The following KIAA1549 variants were observed in gnomAD, a reference collection of about 807,000 sequenced individuals.
KIAA1549 encodes the protein UPF0606 protein KIAA1549.
In KIAA1549, 70 loss-of-function variants were observed where a neutral mutation model predicts 156.4. The observed-to-expected ratio is 0.45, with a 90% CI of 0.37 to 0.55. KIAA1549 has a LOEUF of 0.55. Among genes scored for constraint, KIAA1549 ranks in the 20% least tolerant of loss-of-function variants. The probability of loss-of-function intolerance (pLI) is 0.00; values close to 1 mark genes in which losing one functional copy is unlikely to be tolerated. For missense variants in KIAA1549, 2,428 were observed against 2,540.9 expected, an observed-to-expected ratio of 0.96 and a Z score of 0.96; for synonymous variants, 1,103 against 1,066.4, an observed-to-expected ratio of 1.03 and a Z score of -0.67.
intron 17 of KIAA1549, among the ~76,000 whole-genome samples, chr7:138,846,557 AGAC>A (rs1472781143): frequency 7.0e-6 from 1 of 141,852 alleles, no homozygotes; most frequent in Admixed American, 7.1e-5. Context: ...AAAAAAAAAA[AGAC>A]GACGACTAGC....
In KIAA1549 at chr7:138,894,562, T is replaced by C. The variant is rs192802235; in HGVS notation, c.3848-36A>G. On this transcript the variant is annotated intron_variant, in intron 9 of 19. Transcript: ENST00000422774. ...GGAAGAAAGGTCTTTCAATAATTCC[T>C]TCTTCACTCATGCACTAGATTGCAC... 25 of 1,605,582 alleles carry C rather than the reference T, an allele frequency of 1.6e-5. No homozygotes were observed. The Admixed American group carries it at 4.0e-4, about 26-fold the overall frequency.
At chr7:138,883,227 C>G (rs902850571) in intron 10 of KIAA1549, among the ~76,000 whole-genome samples, 1 of 146,748 alleles carries the variant, frequency 6.8e-6, no homozygotes. Flanking sequence ...AAACTGAGAT[C>G]GCGCCACTGC....
chr7:138,859,032 CA>C (rs113919905), intron 16 of KIAA1549, among the ~76,000 whole-genome samples: 2 of 151,642 alleles, frequency 1.3e-5, no homozygotes, highest in African/African-American at 4.8e-5. Flanking sequence ...CACACACACA[CA>C]CACACACACA....
chr7:138,880,323 GA>G (rs964838059), intron 11 of KIAA1549, among the ~76,000 whole-genome samples: 50 of 148,100 alleles, frequency 3.4e-4, no homozygotes, highest in East Asian at 7.8e-4. Context: ...TACCAGGCAA[GA>G]AAAAAAAAAT....
rs760972800 is a variant in KIAA1549, at chr7:138,879,607, C to T, written c.4276G>A (p.Glu1426Lys). The change falls in exon 12 of 20, where the codon GAG becomes AAG. Residue 1426 changes from glutamate (E) to lysine (K), a missense_variant. By Grantham distance (56) the Glu-to-Lys change is moderately conservative. Coordinates refer to ENST00000422774, the MANE Select transcript of KIAA1549 (RefSeq NM_001164665.2). ...ADSTVSEESSERDAGDKTPGA... is the reference protein window; with the variant it reads ...ADSTVSEESSKRDAGDKTPGA... Reference sequence around the variant, plus strand: ...GGCGTCTTATCTCCTGCGTCCCTCTCGCTGGACTCTTCACTGACCGTAGAG... The same window carrying T: ...GGCGTCTTATCTCCTGCGTCCCTCTTGCTGGACTCTTCACTGACCGTAGAG... The T allele has an allele frequency of 6.4e-6, 10 of 1,564,962 alleles. No homozygotes were observed. In the East Asian group the frequency reaches 9.5e-5, roughly 15 times the overall value.
intron 15 of KIAA1549, among the ~76,000 whole-genome samples, chr7:138,864,251 A>G (rs149898660): frequency 2.0e-5 from 3 of 152,328 alleles, no homozygotes; most frequent in African/African-American, 7.2e-5. Flanking sequence ...ACATTTGAGC[A>G]GAGTCCCCAG....
At chr7:138,883,942 G>A (rs1200887809) in intron 10 of KIAA1549, among the ~76,000 whole-genome samples, 1 of 152,154 alleles carries the variant, frequency 6.6e-6, no homozygotes, top group Non-Finnish European at 1.5e-5. Context: ...GTTGACTGAT[G>A]ACCAGCAGCC....
intron 1 of KIAA1549, among the ~76,000 whole-genome samples, chr7:138,938,270 A>G (rs531287750): frequency 3.9e-5 from 6 of 152,352 alleles, no homozygotes; most frequent in South Asian, 2.1e-4. Flanking sequence ...TCTATTGTCT[A>G]TAAGTGACCA....
At chr7:138,939,314 C>G (rs1162709716) in intron 1 of KIAA1549, among the ~76,000 whole-genome samples, 1 of 152,166 alleles carries the variant, frequency 6.6e-6, no homozygotes, top group Non-Finnish European at 1.5e-5. Context: ...TTTTGTATAA[C>G]AGTACAGTTG....
At chr7:138,902,084 T>C (rs1811858724) in intron 8 of KIAA1549, among the ~76,000 whole-genome samples, 1 of 152,254 alleles carries the variant, frequency 6.6e-6, no homozygotes, top group Admixed American at 6.5e-5. Context: ...TTCATTCTAA[T>C]TTTTATTCTT....
At chr7:138,977,026 A>C (rs903781452) in intron 1 of KIAA1549, among the ~76,000 whole-genome samples, 1 of 152,222 alleles carries the variant, frequency 6.6e-6, no homozygotes, top group African/African-American at 2.4e-5. Flanking sequence ...ATAAATATTC[A>C]CCTAGAAATG....
At chr7:138,891,843 C>T (rs1026374760) in intron 10 of KIAA1549, among the ~76,000 whole-genome samples, 7 of 152,100 alleles carry the variant, frequency 4.6e-5, no homozygotes, top group Non-Finnish European at 1.0e-4. Flanking sequence ...ACCCTGAGGA[C>T]GAGGCTAGAG....
intron 17 of KIAA1549, among the ~76,000 whole-genome samples, chr7:138,848,318 G>C (rs893159550): frequency 6.6e-6 from 1 of 152,214 alleles, no homozygotes; most frequent in Admixed American, 6.5e-5. Context: ...TATTTGCCAA[G>C]ATACCTTTTA....
intron 17 of KIAA1549, among the ~76,000 whole-genome samples, chr7:138,846,569 G>T (rs1810081680): frequency 6.8e-6 from 1 of 146,988 alleles, no homozygotes; most frequent in Non-Finnish European, 1.5e-5. Flanking sequence ...ACGACGACTA[G>T]CAGTTTCACC....
intron 1 of KIAA1549, among the ~76,000 whole-genome samples, chr7:138,947,902 A>G (rs1055307487): frequency 5.3e-5 from 8 of 152,076 alleles, no homozygotes; most frequent in Non-Finnish European, 1.2e-4. Flanking sequence ...AGCTGGGACT[A>G]TAGGCATGCA....
rs148897955 is a variant in KIAA1549, at chr7:138,953,905, C to T, written c.187+27178G>A. ...GGGTGAATCTAGTTATTGGTACGTA[C>T]GGTTTAAATGGCAGTATTTTTTCTT... On this transcript the variant is annotated intron_variant, in intron 1 of 19. Coordinates refer to ENST00000422774, the MANE Select transcript of KIAA1549 (RefSeq NM_001164665.2). Among the ~76,000 whole-genome samples, 581 of 152,208 alleles carry T rather than the reference C, an allele frequency of 3.8e-3. 10 individuals carry two copies. The highest frequency in any genetic ancestry group is 0.013 in the African/African-American group (545 of 41,520).
At chr7:138,959,221 C>T (rs1813763680) in intron 1 of KIAA1549, among the ~76,000 whole-genome samples, 1 of 152,102 alleles carries the variant, frequency 6.6e-6, no homozygotes, top group South Asian at 2.1e-4. Context: ...AATATAACTC[C>T]AAAAATCTGC....
At chr7:138,894,588 G>A (rs537323363) in intron 9 of KIAA1549, 62 bp from the exon 10 acceptor site, 15 of 1,523,052 alleles carry the variant, frequency 9.8e-6, no homozygotes, top group East Asian at 4.5e-5. Context: ...TAGATTGCAC[G>A]TGTCTTCTAT....
At position 138,881,520 on chromosome 7, in the gene KIAA1549, T is replaced by C; in HGVS notation, c.4097A>G (p.Asp1366Gly). ...AKQHLGQHNK[D>G]DILIIHEPAP... is the part of the protein sequence containing the mutation. ...TGGCTCATGAATAATCAATATGTCG[T>C]CTTTATTGTGCTGACCCAGATGCTG... Residue 1366 changes from aspartate (D) to glycine (G), a missense_variant, in exon 11 of 20, where the codon GAC becomes GGC. This residue lies in a region of KIAA1549 where 762 missense variants were observed against 901.6 expected (regional missense o/e 0.85). Transcript: ENST00000422774. 6.2e-7 allele frequency: 1 copy of C among 1,613,972 alleles called. No homozygotes were observed. Among genetic ancestry groups the C allele is most frequent in the Non-Finnish European group, 8.5e-7 (1 of 1,179,888 alleles).
Sources: allele counts gnomAD v4.1 joint callset (sites outside exome capture counted in the v4.1 genomes callset), GRCh38; gene constraint gnomAD v4.1.1; regional missense constraint gnomAD v4.1.1; transcripts MANE v1.5; gene names NCBI Gene and HGNC (gene_info 2026-07-23, HGNC 2026-07-21).